The following IFI16 variants were observed in gnomAD, a reference collection of about 807,000 sequenced individuals.
IFI16 encodes the protein interferon gamma inducible protein 16.
A neutral mutation model predicts 68.4 loss-of-function variants in IFI16; 49 were observed. That is an observed-to-expected ratio of 0.72 (90% CI 0.57 to 0.91). The LOEUF is 0.91. Ranked by LOEUF, IFI16 falls within the 40% of genes least tolerant of loss-of-function variation. The probability of loss-of-function intolerance (pLI) is 0.00; values close to 1 mark genes in which losing one functional copy is unlikely to be tolerated. For synonymous variants in IFI16, 307 were observed against 315.0 expected (o/e 0.97, Z 0.27); for missense variants, 878 against 942.9 (o/e 0.93, Z 0.90).
chr1:159,041,582 C>T (rs1263778728), intron 7 of IFI16, among the ~76,000 whole-genome samples: 3 of 152,116 alleles, frequency 2.0e-5, no homozygotes, highest in East Asian at 1.9e-4. Flanking sequence ...GTCATGCCCC[C>T]CTCATCACCA....
At chr1:159,049,685 C>A (rs1655223001) in intron 9 of IFI16, 86 bp downstream of exon 9, 2 of 1,527,380 alleles carry the variant, frequency 1.3e-6, no homozygotes, top group East Asian at 4.5e-5. Flanking sequence ...CTCACCAATC[C>A]CCTACTACAT....
chr1:159,018,127 G>T, intron 4 of IFI16, 102 bp from the exon 5 acceptor site: 1 of 915,084 alleles, frequency 1.1e-6, no homozygotes, highest in South Asian at 1.7e-5. Context: ...CTAAACATCT[G>T]TGCAAGTTTT....
chr1:159,024,806 T>A (rs1339973783), intron 6 of IFI16, among the ~76,000 whole-genome samples: 1 of 151,960 alleles, frequency 6.6e-6, no homozygotes, highest in East Asian at 1.9e-4. Flanking sequence ...AAGAAAAAAA[T>A]ATATAAAAGA....
At chr1:159,004,453 C>T (rs1429811589), upstream of IFI16, among the ~76,000 whole-genome samples, 2 of 152,116 alleles carry the variant, frequency 1.3e-5, no homozygotes, top group African/African-American at 4.8e-5. Context: ...GCCTCTAATC[C>T]CAGCACTTTG....
chr1:159,021,294 T>G (rs1294064702), intron 6 of IFI16, among the ~76,000 whole-genome samples: 1 of 152,162 alleles, frequency 6.6e-6, no homozygotes, highest in East Asian at 1.9e-4. Context: ...TGTATCATTC[T>G]TATGCCTTTG....
intron 7 of IFI16, among the ~76,000 whole-genome samples, chr1:159,037,605 T>C (rs921902225): frequency 1.3e-5 from 2 of 152,202 alleles, no homozygotes; most frequent in African/African-American, 4.8e-5. Context: ...TATTAAAATA[T>C]TACTCAACGA....
rs1352262679 is a variant in IFI16 at position 159,015,982 on chromosome 1, G to T, written c.376G>T (p.Ala126Ser). ...TGAAGGAGCAGAGGCAACTCCTGGAGCTCAGGTAAGCTTCAGGAAGAGGAG... is the reference window on the plus strand; with the variant it reads ...TGAAGGAGCAGAGGCAACTCCTGGATCTCAGGTAAGCTTCAGGAAGAGGAG... ...KTEGAEATPGAQKRKKSTKEK... is the reference protein window; with the variant it reads ...KTEGAEATPGSQKRKKSTKEK... The change falls in exon 3 of 12, where the codon GCT becomes TCT. Residue 126 changes from alanine to serine, a missense_variant. Transcript: ENST00000295809. 15 of 1,609,366 alleles carry T rather than the reference G, an allele frequency of 9.3e-6. No individual in the cohort carries two copies. The African/African-American group carries it at 1.2e-4, about 13-fold the overall frequency.
In IFI16 at chr1:159,048,696, T is replaced by G. The variant is rs538832281; in HGVS notation, c.1498-736T>G. The stretch of plus-strand genomic sequence containing the variant: ...TTACTGAATGGCAAAACTGCTAAAA[T>G]AATGTGCCACATTGGCCAAATAGGG... On this transcript the variant is annotated intron_variant, in intron 8 of 11. Transcript: ENST00000295809. 5.9e-5 allele frequency among the ~76,000 whole-genome samples: 9 copies of G among 151,586 alleles called. No homozygotes were observed. The South Asian group carries it at 1.9e-3, about 31-fold the overall frequency.
intron 7 of IFI16, among the ~76,000 whole-genome samples, chr1:159,034,643 C>A (rs1161142120): frequency 1.3e-5 from 2 of 152,118 alleles, no homozygotes; most frequent in Non-Finnish European, 2.9e-5. Flanking sequence ...CTCCACAGGC[C>A]CCAGCCTAAA....
chr1:159,051,977 C>G lies in IFI16; in HGVS notation c.1964C>G (p.Ala655Gly), dbSNP rs772393609. 1 of 1,614,046 alleles carries G rather than the reference C, an allele frequency of 6.2e-7. No individual in the cohort carries two copies. The highest frequency in any genetic ancestry group is 8.5e-7 in the Non-Finnish European group (1 of 1,179,940). Residue 655 changes from alanine to glycine, a missense_variant, in exon 10 of 12, where the codon GCT becomes GGT. Transcript: ENST00000295809. ...TTCACACTTGTGGCTGATGTGAATG[C>G]TGACCGAAACATGGAGATCCCAAAA... Reference protein sequence around the residue: ...YPFTLVADVNADRNMEIPKGL... With the variant: ...YPFTLVADVNGDRNMEIPKGL...
intron 6 of IFI16, among the ~76,000 whole-genome samples, chr1:159,023,116 A>T (rs563637171): frequency 3.1e-4 from 47 of 150,372 alleles, no homozygotes; most frequent in Non-Finnish European, 5.0e-4. Context: ...TTGAAGTTAA[A>T]TTTTTTTTTT....
In IFI16 at chr1:159,052,044, G is replaced by T; in HGVS notation, c.2031G>T (p.Gln677His). 6.2e-7 allele frequency: 1 copy of T among 1,613,862 alleles called. No homozygotes were observed. Among genetic ancestry groups the T allele is most frequent in the East Asian group, 2.2e-5 (1 of 44,886 alleles). ...CCAGCGTAACTCCTAAAATCAATCA[G>T]CTTTGCTCACAAACTAAAGGAAGTT... ...RSASVTPKIN[Q>H]LCSQTKGSFV... The change falls in exon 10 of 12, where the codon CAG becomes CAT. Residue 677 changes from glutamine to histidine, a missense_variant. Gln to His is a conservative substitution (Grantham distance 24). Around this residue, in one of 4 missense-constraint regions of IFI16, gnomAD observed 311 missense variants for 305.1 expected, o/e 1.02. Coordinates refer to ENST00000295809, the MANE Select transcript of IFI16 (RefSeq NM_001376587.1).
At chr1:159,036,265 TAA>T (rs1326897595) in intron 7 of IFI16, among the ~76,000 whole-genome samples, 1 of 152,250 alleles carries the variant, frequency 6.6e-6, no homozygotes, top group African/African-American at 2.4e-5. Context: ...TCATTTTACA[TAA>T]GAGACAACCA....
chr1:159,013,251 C>T (rs1005592738), intron 1 of IFI16, among the ~76,000 whole-genome samples: 3 of 149,382 alleles, frequency 2.0e-5, no homozygotes, highest in Admixed American at 2.0e-4. Context: ...TCACTGCAAC[C>T]TCCGTCTCCT....
At chr1:159,001,523 G>C (rs566207341), upstream of IFI16, among the ~76,000 whole-genome samples, 1 of 152,188 alleles carries the variant, frequency 6.6e-6, no homozygotes, top group Admixed American at 6.5e-5. Flanking sequence ...AGTATTTTAA[G>C]GGACATTTTC....
intron 1 of IFI16, 75 bp from the exon 2 acceptor site, chr1:159,014,586 T>C: frequency 1.1e-6 from 1 of 927,582 alleles, no homozygotes; most frequent in Non-Finnish European, 1.6e-6. Flanking sequence ...TATGGGCCAC[T>C]CACTCACATA....
chr1:159,018,200 T>C (rs775785147), intron 4 of IFI16, 29 bp from the exon 5 acceptor site: 1 of 1,584,536 alleles, frequency 6.3e-7, no homozygotes, highest in Non-Finnish European at 8.6e-7. Flanking sequence ...TAGACATTTT[T>C]CTTTGTTCTC....
chr1:159,018,289 C>T lies in IFI16; in HGVS notation c.610C>T (p.Pro204Ser), dbSNP rs992133059. 2.5e-6 allele frequency: 4 copies of T among 1,613,920 alleles called. No homozygotes were observed. The highest frequency in any genetic ancestry group is 3.3e-5 in the Admixed American group (2 of 60,002). ...TPRRNVLQKR[P>S]VIVKVLSTTK... ...CAGAAGAAATGTTCTCCAAAAACGC[C>T]CAGTGATAGTGAAGGTACTGAGTAC... Residue 204 changes from proline to serine, a missense_variant, in exon 5 of 12, where the codon CCA becomes TCA. Pro to Ser is a moderately conservative substitution (Grantham distance 74). This residue lies in a region of IFI16 where 443 missense variants were observed against 421.8 expected (regional missense o/e 1.05). Coordinates refer to ENST00000295809, the MANE Select transcript of IFI16 (RefSeq NM_001376587.1).
In IFI16 at chr1:159,047,512, C is replaced by A. The variant is rs1427008204; in HGVS notation, c.1498-1920C>A. ...TCCATGCATACTGGCTTGGAAGTGA[C>A]ACTTTCTAAGACCTTGCCTGCCTAA... is the stretch of plus-strand genomic sequence containing the variant. On this transcript the variant is annotated intron_variant, in intron 8 of 11. Transcript: ENST00000295809. 3.3e-5 allele frequency among the ~76,000 whole-genome samples: 5 copies of A among 149,590 alleles called. No individual in the cohort carries two copies. The East Asian group carries it at 9.7e-4, about 29-fold the overall frequency.
Sources: allele counts gnomAD v4.1 joint callset (sites outside exome capture counted in the v4.1 genomes callset), GRCh38; gene constraint gnomAD v4.1.1; regional missense constraint gnomAD v4.1.1; transcripts MANE v1.5; gene names NCBI Gene and HGNC (gene_info 2026-07-23, HGNC 2026-07-21).